The following LRMDA variants were observed in gnomAD, a reference collection of about 807,000 sequenced individuals.
The protein encoded by LRMDA is leucine-rich melanocyte differentiation-associated protein.
A neutral mutation model predicts 29.8 loss-of-function variants in LRMDA; 18 were observed. The ratio of observed to expected loss-of-function variants is 0.60; its 90% CI spans 0.42 to 0.90. LRMDA has a LOEUF of 0.90. LRMDA is among the 40% of genes least tolerant of loss of function. The probability of loss-of-function intolerance (pLI) is 0.00; values close to 1 mark genes in which losing one functional copy is unlikely to be tolerated. For missense variants in LRMDA, 273 were observed against 273.9 expected (o/e 1.00, Z 0.02); for synonymous variants, 125 against 109.4 (o/e 1.14, Z -0.89).
intron 6 of LRMDA, among the ~76,000 whole-genome samples, chr10:76,418,539 C>G (rs2132517589): frequency 6.6e-6 from 1 of 151,946 alleles, no homozygotes; most frequent in Non-Finnish European, 1.5e-5. Context: ...CTAAGAGTTT[C>G]TAGAGTTTTT....
intron 6 of LRMDA, among the ~76,000 whole-genome samples, chr10:76,384,963 G>A (rs1481036684): frequency 6.6e-6 from 1 of 152,200 alleles, no homozygotes. Flanking sequence ...AATGAGAGCA[G>A]GTCTGGGAAA....
At chr10:76,404,322 C>T (rs1228564014) in intron 6 of LRMDA, among the ~76,000 whole-genome samples, 2 of 152,046 alleles carry the variant, frequency 1.3e-5, no homozygotes, top group Non-Finnish European at 2.9e-5. Flanking sequence ...CCAAAAGAAA[C>T]ATTTAGCAGT....
At chr10:76,061,577 C>T (rs1349092900) in intron 5 of LRMDA, among the ~76,000 whole-genome samples, 1 of 152,144 alleles carries the variant, frequency 6.6e-6, no homozygotes. Flanking sequence ...AGTACTCTTA[C>T]AAAGTATGGT....
chr10:75,792,184 C>T (rs1204028830), intron 2 of LRMDA, among the ~76,000 whole-genome samples: 1 of 152,008 alleles, frequency 6.6e-6, no homozygotes, highest in African/African-American at 2.4e-5. Flanking sequence ...TGAACTAACC[C>T]CAGCTGAGCA....
chr10:75,761,826 C>T (rs1429295417), intron 2 of LRMDA, among the ~76,000 whole-genome samples: 3 of 130,662 alleles, frequency 2.3e-5, no homozygotes, highest in Non-Finnish European at 4.7e-5. Context: ...TTTTTTGAGA[C>T]AGGGTCTGGC....
intron 5 of LRMDA, among the ~76,000 whole-genome samples, chr10:76,216,040 C>T (rs1564688809): frequency 6.6e-6 from 1 of 152,130 alleles, no homozygotes; most frequent in African/African-American, 2.4e-5. Context: ...ACTTGCTCAT[C>T]AAAAATCAGC....
At chr10:76,122,822 T>C (rs1298515753) in intron 5 of LRMDA, among the ~76,000 whole-genome samples, 1 of 152,112 alleles carries the variant, frequency 6.6e-6, no homozygotes, top group African/African-American at 2.4e-5. Context: ...TCACCCCAAC[T>C]CTAAGGCTGC....
chr10:75,634,342 G>A (rs1489887114), intron 2 of LRMDA, among the ~76,000 whole-genome samples: 1 of 152,170 alleles, frequency 6.6e-6, no homozygotes, highest in Non-Finnish European at 1.5e-5. Flanking sequence ...ATTTTCTCCT[G>A]CCCTAAGTTT....
chr10:75,880,231 A>T (rs1845271624), intron 2 of LRMDA, among the ~76,000 whole-genome samples: 1 of 152,224 alleles, frequency 6.6e-6, no homozygotes, highest in Non-Finnish European at 1.5e-5. Context: ...CAGTTTCTGA[A>T]TGTAGAGTGC....
intron 6 of LRMDA, among the ~76,000 whole-genome samples, chr10:76,476,192 A>G (rs1371571737): frequency 2.0e-5 from 3 of 152,164 alleles, no homozygotes; most frequent in Non-Finnish European, 4.4e-5. Flanking sequence ...AATCAAATAG[A>G]CGCAATAAAA....
chr10:76,403,967 T>C (rs1465368753), intron 6 of LRMDA, among the ~76,000 whole-genome samples: 1 of 152,126 alleles, frequency 6.6e-6, no homozygotes, highest in Admixed American at 6.5e-5. Flanking sequence ...GTGAAACAGA[T>C]GCAGGATGCC....
At chr10:76,332,605 A>G (rs1840917931) in intron 6 of LRMDA, among the ~76,000 whole-genome samples, 1 of 152,250 alleles carries the variant, frequency 6.6e-6, no homozygotes, top group Non-Finnish European at 1.5e-5. Context: ...AAAAAATGAT[A>G]GTAAAAACAT....
intron 6 of LRMDA, among the ~76,000 whole-genome samples, chr10:76,503,717 T>G (rs538312159): frequency 1.1e-4 from 16 of 151,912 alleles, no homozygotes; most frequent in African/African-American, 3.9e-4. Context: ...ATCTTCTGGG[T>G]TTTTTTCATT....
intron 2 of LRMDA, among the ~76,000 whole-genome samples, chr10:75,697,631 C>T (rs1051977221): frequency 6.6e-6 from 1 of 151,792 alleles, no homozygotes; most frequent in Admixed American, 6.6e-5. Flanking sequence ...AGGTGGAGGG[C>T]AGTATGCCTT....
intron 5 of LRMDA, among the ~76,000 whole-genome samples, chr10:76,213,771 G>A (rs1851676850): frequency 6.6e-6 from 1 of 152,170 alleles, no homozygotes; most frequent in African/African-American, 2.4e-5. Flanking sequence ...AAAAAGTTTT[G>A]TCCTTTAAAA....
chr10:76,311,394 A>C (rs1240502704), intron 5 of LRMDA, among the ~76,000 whole-genome samples: 1 of 152,222 alleles, frequency 6.6e-6, no homozygotes, highest in African/African-American at 2.4e-5. Flanking sequence ...TTAAGGCTGC[A>C]CTTGCCTTGT....
At chr10:76,338,526 A>G (rs1840998277) in intron 6 of LRMDA, among the ~76,000 whole-genome samples, 2 of 152,268 alleles carry the variant, frequency 1.3e-5, no homozygotes, top group East Asian at 1.9e-4. Flanking sequence ...CATTGTCTGT[A>G]TACTTCTCTC....
intron 5 of LRMDA, among the ~76,000 whole-genome samples, chr10:76,092,401 G>T (rs1849245217): frequency 6.6e-6 from 1 of 152,148 alleles, no homozygotes; most frequent in Non-Finnish European, 1.5e-5. Context: ...TGATGACCTG[G>T]ATATACTTAT....
intron 5 of LRMDA, among the ~76,000 whole-genome samples, chr10:76,263,937 G>C (rs1564704395): frequency 6.6e-6 from 1 of 152,140 alleles, no homozygotes; most frequent in Non-Finnish European, 1.5e-5. Context: ...TGATGGATTT[G>C]CTGTCATCAT....
Sources: gnomAD v4.1 joint callset for allele counts (sites outside exome capture counted in the v4.1 genomes callset) on GRCh38, gnomAD v4.1.1 for gene constraint, MANE v1.5 for transcripts, NCBI Gene and HGNC (gene_info 2026-07-23, HGNC 2026-07-21) for gene names.